BBS12: variants seen among roughly 807,000 people sequenced by gnomAD.
The protein encoded by BBS12 is Bardet-Biedl syndrome 12.
BBS12 carries 5 observed loss-of-function variants against 5.6 expected under a neutral mutation model. That is an observed-to-expected ratio of 0.89 (90% CI 0.46 to 1.86). The LOEUF is 1.86. Ranked by LOEUF, BBS12 falls within the 40% of genes most tolerant of loss-of-function variation. The pLI, the probability that BBS12 is intolerant of heterozygous loss-of-function variation, is 0.01. For synonymous variants in BBS12, 308 were observed against 306.8 expected (o/e 1.00, Z -0.04); for missense variants, 748 against 830.4 (o/e 0.90, Z 1.22).
chr4:122,716,721 G>GTA, the BBS12 span, among the ~76,000 whole-genome samples: 1 of 119,580 alleles, frequency 8.4e-6, no homozygotes, highest in African/African-American at 3.9e-5. Context: ...ACATATGTGT[G>GTA]TATATACACA....
the BBS12 span, among the ~76,000 whole-genome samples, chr4:122,716,638 T>TATAAACATATGTATGCATAC: frequency 9.4e-6 from 1 of 106,858 alleles, no homozygotes; most frequent in African/African-American, 3.4e-5. Context: ...CATATGTATA[T>TATAAACATATGTATGCATAC]ACACACGTGT....
the BBS12 span, among the ~76,000 whole-genome samples, chr4:122,708,487 C>G: frequency 2.6e-5 from 4 of 152,098 alleles, no homozygotes; most frequent in African/African-American, 7.2e-5. Context: ...GGGGATAACA[C>G]CCTGGCCCTA....
chr4:122,743,994 C>A lies in BBS12; in HGVS notation c.2102C>A (p.Ser701Ter). The part of the protein sequence containing the change: ...ITGHGHTQIN[S>*]QELTGFLFL Reference sequence around the variant, plus strand: ...GGACATGGACACACACAGATAAATTCACAGGAATTAACGGGCTTTCTATTT... The same window carrying A: ...GGACATGGACACACACAGATAAATTAACAGGAATTAACGGGCTTTCTATTT... The change falls in exon 2 of 2, where the codon TCA becomes TAA. Residue 701 changes from serine to a stop codon, truncating the protein, a stop_gained. Transcript: ENST00000314218. LOFTEE classifies it high-confidence loss of function. The A allele has an allele frequency of 6.2e-7, 1 of 1,613,952 alleles. No individual in the cohort carries two copies. The highest frequency in any genetic ancestry group is 8.5e-7 in the Non-Finnish European group (1 of 1,179,892).
At chr4:122,735,531 A>G (rs1315557683) in intron 1 of BBS12, among the ~76,000 whole-genome samples, 1 of 152,214 alleles carries the variant, frequency 6.6e-6, no homozygotes, top group African/African-American at 2.4e-5. Flanking sequence ...AAGGGCCTCA[A>G]CTAAGGCGGT....
At chr4:122,733,081 C>G (rs541189560) in intron 1 of BBS12, among the ~76,000 whole-genome samples, 197 bp downstream of exon 1, 1 of 152,122 alleles carries the variant, frequency 6.6e-6, no homozygotes, top group Non-Finnish European at 1.5e-5. Flanking sequence ...CTTTTTGCCG[C>G]TAGACTTTCC....
the BBS12 span, among the ~76,000 whole-genome samples, chr4:122,726,802 A>G: frequency 6.6e-6 from 1 of 152,258 alleles, no homozygotes; most frequent in African/African-American, 2.4e-5. Context: ...TGGCATTTGC[A>G]GCAACCTGGA....
chr4:122,709,356 C>T, the BBS12 span, among the ~76,000 whole-genome samples: 1 of 152,066 alleles, frequency 6.6e-6, no homozygotes, highest in South Asian at 2.1e-4. Context: ...AATAAAGAAA[C>T]TTGATAAATG....
At chr4:122,711,350 T>G in the BBS12 span, among the ~76,000 whole-genome samples, 2 of 141,726 alleles carry the variant, frequency 1.4e-5, no homozygotes, top group Admixed American at 1.4e-4. Context: ...AAACTAAACA[T>G]CCTGATTGGA....
At chr4:122,707,847 G>C in the BBS12 span, among the ~76,000 whole-genome samples, 109,658 of 151,918 alleles carry the variant, frequency 0.72, 41,734 homozygotes, top group East Asian at 0.95. Context: ...AAAACACTAG[G>C]AGAATTTGAT....
chr4:122,725,768 C>T, the BBS12 span, among the ~76,000 whole-genome samples: 6 of 151,622 alleles, frequency 4.0e-5, no homozygotes, highest in African/African-American at 7.3e-5. Flanking sequence ...TGTGGTGGCA[C>T]GAGCCTGTAG....
the BBS12 span, among the ~76,000 whole-genome samples, chr4:122,724,486 C>T: frequency 2.9e-4 from 44 of 152,266 alleles, no homozygotes; most frequent in African/African-American, 1.0e-3. Flanking sequence ...TTCTCCAACC[C>T]TTCTTATCTG....
At chr4:122,739,465 A>G (rs1418481129) in intron 1 of BBS12, among the ~76,000 whole-genome samples, 4 of 152,388 alleles carry the variant, frequency 2.6e-5, no homozygotes, top group African/African-American at 9.6e-5. Flanking sequence ...ACCAAGAACT[A>G]CAGACTCCAC....
rs1204252849 is a variant in BBS12, at chr4:122,744,539, T to A, written c.*514T>A. 24 of 170,056 alleles carry A rather than the reference T, an allele frequency of 1.4e-4. No individual in the cohort carries two copies. The highest frequency in any genetic ancestry group is 1.4e-5 in the Non-Finnish European group (1 of 70,290). The allele number at this position is 170,056 out of a possible 1,614,324, so 10.5% of individuals were successfully genotyped here. ...CTAGGTAAAGACAAAGTCCTTGCAT[T>A]CTTGACATACCCAGTAAGTATGCAG... On this transcript the variant is annotated 3_prime_UTR_variant, in exon 2 of 2. Transcript: ENST00000314218.
the BBS12 span, among the ~76,000 whole-genome samples, chr4:122,723,155 G>A: frequency 6.6e-6 from 1 of 152,186 alleles, no homozygotes; most frequent in East Asian, 1.9e-4. Context: ...CAATTTGGTT[G>A]TCCTGGAACA....
In BBS12 at chr4:122,744,007, G is replaced by T. The variant is rs1578492538; in HGVS notation, c.2115G>T (p.Thr705=). The stretch of plus-strand genomic sequence containing the variant: ...CACAGATAAATTCACAGGAATTAAC[G>T]GGCTTTCTATTTTTGTAGTGTTACT... ...GHTQINSQEL[T]GFLFL is the part of the protein sequence containing the mutation. The change falls in exon 2 of 2, where the codon ACG becomes ACT. Residue 705 remains threonine, a synonymous_variant. Coordinates refer to ENST00000314218, the MANE Select transcript of BBS12 (RefSeq NM_152618.3). 2 of 1,613,566 alleles carry T rather than the reference G, an allele frequency of 1.2e-6. No individual in the cohort carries two copies. The highest frequency in any genetic ancestry group is 2.2e-5 in the East Asian group (1 of 44,880).
the BBS12 span, among the ~76,000 whole-genome samples, chr4:122,723,464 T>C: frequency 3.3e-5 from 5 of 152,246 alleles, no homozygotes; most frequent in African/African-American, 1.2e-4. Flanking sequence ...CCCAGTTTTC[T>C]GCTTATTCTC....
the BBS12 span, among the ~76,000 whole-genome samples, chr4:122,721,560 G>A: frequency 8.5e-5 from 13 of 152,326 alleles, no homozygotes; most frequent in East Asian, 1.9e-3. Flanking sequence ...AGTGGGAGCA[G>A]ATTGTCTATT....
chr4:122,742,045 T>C lies in BBS12; in HGVS notation c.153T>C (p.Ser51=). Residue 51 remains serine, a synonymous_variant, in exon 2 of 2, where the codon AGT becomes AGC. Coordinates refer to ENST00000314218, the MANE Select transcript of BBS12 (RefSeq NM_152618.3). The stretch of plus-strand genomic sequence containing the variant: ...AATGTCATGAAAGTGTATTAATCAG[T>C]TCAACAGTAAGGCTTCTTGAAAGTT... The part of the protein sequence containing the change: ...DEECHESVLI[S]STVRLLESLD... 4 of 1,614,172 alleles carry C rather than the reference T, an allele frequency of 2.5e-6. No homozygotes were observed. The highest frequency in any genetic ancestry group is 3.4e-6 in the Non-Finnish European group (4 of 1,180,016).
intron 1 of BBS12, among the ~76,000 whole-genome samples, chr4:122,734,517 C>T (rs1578484978): frequency 6.6e-6 from 1 of 152,164 alleles, no homozygotes; most frequent in Non-Finnish European, 1.5e-5. Flanking sequence ...CCGCTCGCCT[C>T]GGCCTCTCAA....
Sources: allele counts gnomAD v4.1 joint callset (sites outside exome capture counted in the v4.1 genomes callset), GRCh38; gene constraint gnomAD v4.1.1; transcripts MANE v1.5; gene names NCBI Gene and HGNC (gene_info 2026-07-23, HGNC 2026-07-21).